Variants in BRAT1 observed in about 807,000 individuals in gnomAD.
BRAT1 encodes the protein BRCA1 associated ATM activator 1.
In BRAT1, 74 loss-of-function variants were observed where a neutral mutation model predicts 70.6. That is an observed-to-expected ratio of 1.05 (90% CI 0.87 to 1.27). The LOEUF is 1.27. Ranked by LOEUF, BRAT1 falls within the 50% of genes most tolerant of loss-of-function variation. BRAT1 has a pLI of 0.00. For missense variants in BRAT1, 1,203 were observed against 1,098.2 expected, an observed-to-expected ratio of 1.10 and a Z score of -1.35; for synonymous variants, 615 against 517.1, an observed-to-expected ratio of 1.19 and a Z score of -2.57.
At chr7:2,542,276 T>C in intron 6 of BRAT1, 65 bp from the exon 7 acceptor site, 10 of 1,358,634 alleles carry the variant, frequency 7.4e-6, no homozygotes, top group Non-Finnish European at 9.2e-6. Flanking sequence ...GTGCTCCTAA[T>C]GTCCCCAGCA....
intron 2 of BRAT1, among the ~76,000 whole-genome samples, chr7:2,547,967 C>A (rs1424155820): frequency 1.3e-5 from 2 of 152,016 alleles, no homozygotes; most frequent in African/African-American, 2.4e-5. Context: ...GCCTGTAGTC[C>A]CAGCTAATTG....
At chr7:2,548,842 G>A (rs893155841) in intron 2 of BRAT1, among the ~76,000 whole-genome samples, 4 of 151,836 alleles carry the variant, frequency 2.6e-5, no homozygotes, top group African/African-American at 9.7e-5. Flanking sequence ...GCGGGCGCCT[G>A]TGGTCCCAGC....
chr7:2,540,779 G>T, intron 10 of BRAT1, 200 bp downstream of exon 10: 1 of 499,494 alleles, frequency 2.0e-6, no homozygotes, highest in Non-Finnish European at 3.4e-6. Context: ...ACCCCTGCGT[G>T]CTGATGTATC....
rs759384531 is a variant in BRAT1, at chr7:2,538,340, G to C, written c.2195C>G (p.Ser732Cys). ...CCTGGCCTCCCGCAGGCTGCTGTAG[G>C]AAGCAATCTTGTCCCTCAGGAAGAG... is the stretch of plus-strand genomic sequence containing the variant. ...LLLFLRDKIA[S>C]YSSLREARGS... Residue 732 changes from serine (S) to cysteine (C), a missense_variant, in exon 14 of 14, where the codon TCC becomes TGC. Transcript: ENST00000340611. 1 of 1,613,252 alleles carries C rather than the reference G, an allele frequency of 6.2e-7. No individual in the cohort carries two copies. The highest frequency in any genetic ancestry group is 8.5e-7 in the Non-Finnish European group (1 of 1,179,932).
chr7:2,540,638 C>G (rs1779070733), intron 10 of BRAT1: 2 of 263,646 alleles, frequency 7.6e-6, no homozygotes, highest in Non-Finnish European at 1.4e-5. Flanking sequence ...GTGGAGTAGG[C>G]ACATTCACAA....
At chr7:2,540,666 C>A (rs1405634515) in intron 10 of BRAT1, 3 of 323,088 alleles carry the variant, frequency 9.3e-6, no homozygotes, top group African/African-American at 4.3e-5. Flanking sequence ...TTAGGAGAAC[C>A]CAAAGCCCAC....
intron 6 of BRAT1, 145 bp from the exon 7 acceptor site, chr7:2,542,356 G>A (rs1303800468): frequency 4.3e-6 from 3 of 697,580 alleles, no homozygotes; most frequent in Non-Finnish European, 7.5e-6. Context: ...CACTGGCCAG[G>A]GGATGCCATG....
chr7:2,539,580 G>T lies in BRAT1; in HGVS notation c.1561C>A (p.Leu521Ile). ...CTGCTCAGCTGGGTCAGGAACTCGA[G>T]GGCGGAGTCCCTCACCTCCCAGCAG... ...HPCWEVRDSA[L>I]EFLTQLSRHW... The change falls in exon 12 of 14, where the codon CTC (leucine) becomes ATC (isoleucine). Residue 521 changes from leucine to isoleucine, a missense_variant. By Grantham distance (5) the Leu-to-Ile change is conservative. Transcript: ENST00000340611. The T allele has an allele frequency of 6.3e-7, 1 of 1,584,714 alleles. No homozygotes were observed. Among genetic ancestry groups the T allele is most frequent in the Non-Finnish European group, 8.6e-7 (1 of 1,164,858 alleles).
chr7:2,552,106 A>ATATATATATATATATATATATATT (rs1245262304), intron 2 of BRAT1, among the ~76,000 whole-genome samples: 4 of 14,214 alleles, frequency 2.8e-4, no homozygotes, highest in Non-Finnish European at 5.4e-4. Context: ...ATATATATAT[A>ATATATATATATATATATATATATT]TTTTTTTTTT....
chr7:2,546,901 C>T (rs180752698), intron 3 of BRAT1, among the ~76,000 whole-genome samples: 2 of 135,084 alleles, frequency 1.5e-5, no homozygotes, highest in Non-Finnish European at 3.2e-5. Context: ...AACCCCACGG[C>T]GCAGCTACGA....
In BRAT1 at chr7:2,543,680, A is replaced by G. The variant is rs773293971; in HGVS notation, c.713T>C (p.Val238Ala). Residue 238 changes from valine (V) to alanine (A), a missense_variant, in exon 5 of 14, where the codon GTG (valine) becomes GCG (alanine). Physicochemically the swap from Val to Ala is moderately conservative, Grantham distance 64 (BLOSUM62 0). Coordinates refer to ENST00000340611, the MANE Select transcript of BRAT1 (RefSeq NM_152743.4). The surrounding 1 kb of genome is among the most constrained non-coding windows in gnomAD (Gnocchi z 5.5). ...CQSPWTEALW[V>A]RLSPRVACLL... ...ACAGGCCACGCGGGGACTCAGCCGCACCCACAGGGCTTCCGTCCAGGGGCT... is the reference window on the plus strand; with the variant it reads ...ACAGGCCACGCGGGGACTCAGCCGCGCCCACAGGGCTTCCGTCCAGGGGCT... 2 of 1,564,986 alleles carry G rather than the reference A, an allele frequency of 1.3e-6. No individual in the cohort carries two copies. The highest frequency in any genetic ancestry group is 2.3e-5 in the South Asian group (2 of 85,362).
At chr7:2,544,200 GT>G (rs1172630697) in intron 4 of BRAT1, 3,305 of 108,522 alleles carry the variant, frequency 0.03, 15 homozygotes, top group East Asian at 0.039. Flanking sequence ...CCTTCTTGTT[GT>G]TTTTTTTTTT....
Position 2,541,488 on chromosome 7 carries a change from C to T in BRAT1, c.1135-4G>A, listed in dbSNP as rs1404214519. The stretch of plus-strand genomic sequence containing the variant: ...GCCACGGTGAAGGGCGCTGGGGCTG[C>T]GAGGAAGAGGGCCGTCAGCCAAGGT... On this transcript the variant is annotated splice_region_variant and splice_polypyrimidine_tract_variant and intron_variant, in intron 8 of 13. Transcript: ENST00000340611. 12 of 1,528,106 alleles carry T rather than the reference C, an allele frequency of 7.9e-6. No homozygotes were observed. The highest frequency in any genetic ancestry group is 2.4e-5 in the East Asian group (1 of 40,872). 94.7% of individuals were successfully genotyped at this position (1,528,106 alleles called of 1,614,324 possible).
rs114060228 is a variant in BRAT1, at chr7:2,547,139, C to T, written c.282+185G>A. Among the ~76,000 whole-genome samples, 3,272 of 152,272 alleles carry T rather than the reference C, an allele frequency of 0.021. 132 individuals carry two copies. Among genetic ancestry groups the T allele is most frequent in the African/African-American group, 0.075 (3,123 of 41,538 alleles). ...CAACTCCTTAGCCCCAGCATCACTCCGGGCGAATTTTTCAAAGGGGGCTAC... is the reference window on the plus strand; with the variant it reads ...CAACTCCTTAGCCCCAGCATCACTCTGGGCGAATTTTTCAAAGGGGGCTAC... On this transcript the variant is annotated intron_variant, in intron 3 of 13. Transcript: ENST00000340611.
At chr7:2,542,971 CT>C in intron 6 of BRAT1, 1 of 397,958 alleles carries the variant, frequency 2.5e-6, no homozygotes, top group Non-Finnish European at 4.4e-6. Context: ...CTCCCGCATC[CT>C]TCTCACCTCT....
At chr7:2,554,490 GA>G in intron 1 of BRAT1, 43 bp from the exon 2 acceptor site, 1 of 1,565,626 alleles carries the variant, frequency 6.4e-7, no homozygotes, top group Non-Finnish European at 8.6e-7. Flanking sequence ...GCCCACTCCA[GA>G]CCCAGCTCGC....
In BRAT1 at chr7:2,554,441, G is replaced by A. The variant is rs758044401; in HGVS notation, c.-10C>T. Reference sequence around the variant, plus strand: ...CGCATTCTGGGTCCATGGTGAGGCCGCAGGCCCTGCAAAGGCAATGTGAGA... The same window carrying A: ...CGCATTCTGGGTCCATGGTGAGGCCACAGGCCCTGCAAAGGCAATGTGAGA... On this transcript the variant is annotated 5_prime_UTR_variant, in exon 2 of 14. Transcript: ENST00000340611. 5.2e-5 allele frequency: 84 copies of A among 1,610,444 alleles called. No individual in the cohort carries two copies. The highest frequency in any genetic ancestry group is 6.7e-5 in the Non-Finnish European group (79 of 1,178,874).
chr7:2,542,012 G>A, intron 7 of BRAT1, 108 bp downstream of exon 7: 1 of 1,222,006 alleles, frequency 8.2e-7, no homozygotes, highest in Non-Finnish European at 1.1e-6. Context: ...AGGCCTGGGT[G>A]TGATTAAAGT....
rs774132110 is a variant in BRAT1, at chr7:2,540,989, G to A, written c.1385C>T (p.Ser462Phe). The change falls in exon 10 of 14, where the codon TCC becomes TTC. Residue 462 changes from serine (S) to phenylalanine (F), a missense_variant. By Grantham distance (155) the Ser-to-Phe change is radical. Transcript: ENST00000340611. The stretch of plus-strand genomic sequence containing the variant: ...TCCCCACCACCGTACCGTGGGGCTG[G>A]AGCCGGGGCTCTCGAGGCACTCCAG... ...VLLECLESPG[S>F]SPTVLKKAFQ... 6.4e-7 allele frequency: 1 copy of A among 1,552,844 alleles called. No homozygotes were observed. The highest frequency in any genetic ancestry group is 2.3e-5 in the Admixed American group (1 of 43,012).
Sources: gnomAD v4.1 joint callset for allele counts (sites outside exome capture counted in the v4.1 genomes callset) on GRCh38, gnomAD v4.1.1 for gene constraint, Gnocchi (gnomAD v3.1) non-coding constraint, MANE v1.5 for transcripts, NCBI Gene and HGNC (gene_info 2026-07-23, HGNC 2026-07-21) for gene names.